CTNND2: variants seen among roughly 807,000 people sequenced by gnomAD.
CTNND2 encodes the protein catenin delta 2, also known as catenin delta-2.
In CTNND2, 22 loss-of-function variants were observed where a neutral mutation model predicts 144.4. That is an observed-to-expected ratio of 0.15 (90% confidence interval 0.11 to 0.22). The LOEUF is 0.22. Among genes scored for constraint, CTNND2 ranks in the 10% least tolerant of loss-of-function variants. The probability of loss-of-function intolerance (pLI) is 1.00; values close to 1 mark genes in which losing one functional copy is unlikely to be tolerated. For synonymous variants in CTNND2, 751 were observed against 695.6 expected (o/e 1.08, Z -1.25); for missense variants, 1,353 against 1,618.8 (o/e 0.84, Z 2.82).
chr5:11,433,889 C>T (rs1259626649), intron 3 of CTNND2, among the ~76,000 whole-genome samples: 1 of 152,126 alleles, frequency 6.6e-6, no homozygotes, highest in East Asian at 1.9e-4. Flanking sequence ...TAAAACTGCC[C>T]AACTACTTTG....
chr5:11,602,320 G>T lies in CTNND2; in HGVS notation c.175-37264C>A, dbSNP rs1434413317. Among the ~76,000 whole-genome samples the T allele has an allele frequency of 4.6e-5, 7 of 152,064 alleles. No individual in the cohort carries two copies. In the East Asian group the frequency reaches 1.4e-3, roughly 29 times the overall value. ...TGGTACCAAGAACTCAATGATTTTTGTCATCTGGGAAGATCTGAGAATCCA... is the reference window on the plus strand; with the variant it reads ...TGGTACCAAGAACTCAATGATTTTTTTCATCTGGGAAGATCTGAGAATCCA... On this transcript the variant is annotated intron_variant, in intron 2 of 21. Coordinates refer to ENST00000304623, the MANE Select transcript of CTNND2 (RefSeq NM_001332.4).
chr5:11,334,572 C>T (rs191072834), intron 9 of CTNND2, among the ~76,000 whole-genome samples: 1 of 152,252 alleles, frequency 6.6e-6, no homozygotes, highest in East Asian at 1.9e-4. Flanking sequence ...GACTGGACGC[C>T]CTCTGCCGGC....
rs61752664 is a variant in CTNND2 at position 10,982,428 on chromosome 5, G to A, written c.3344-582C>T. On this transcript the variant is annotated intron_variant, in intron 20 of 21. Transcript: ENST00000304623. The stretch of plus-strand genomic sequence containing the variant: ...CACTCTGTTGTCTGGCTTGCCTGTC[G>A]TCTAGACGAAAGAGATGAAGGTCTC... Among the ~76,000 whole-genome samples, 402 of 152,322 alleles carry A rather than the reference G, an allele frequency of 2.6e-3. 1 individual carries two copies. The highest frequency in any genetic ancestry group is 8.7e-3 in the African/African-American group (361 of 41,578).
chr5:11,822,377 G>A lies in CTNND2; in HGVS notation c.37+81440C>T, dbSNP rs560708865. Among the ~76,000 whole-genome samples, 32 of 152,220 alleles carry A rather than the reference G, an allele frequency of 2.1e-4. No homozygotes were observed. The South Asian group carries it at 2.7e-3, about 13-fold the overall frequency. On this transcript the variant is annotated intron_variant, in intron 1 of 21. Coordinates refer to ENST00000304623, the MANE Select transcript of CTNND2 (RefSeq NM_001332.4). ...GGTAAAAACAATGAGCAGTGTATGC[G>A]TTTCAAATTCTTCAAAGCAATTTTA...
chr5:11,883,942 CT>C (rs1007704337), intron 1 of CTNND2, among the ~76,000 whole-genome samples: 1 of 152,100 alleles, frequency 6.6e-6, no homozygotes. Context: ...TGATGTTGAG[CT>C]TTTTTCATAT....
chr5:11,039,703 A>G (rs1255830887), intron 16 of CTNND2, among the ~76,000 whole-genome samples: 1 of 152,328 alleles, frequency 6.6e-6, no homozygotes, highest in Non-Finnish European at 1.5e-5. Flanking sequence ...TGGGCAGAGG[A>G]TAAGACAAAT....
In CTNND2 at chr5:11,188,988, T is replaced by C. The variant is rs558815804; in HGVS notation, c.1975+10460A>G. On this transcript the variant is annotated intron_variant, in intron 11 of 21. Coordinates refer to ENST00000304623, the MANE Select transcript of CTNND2 (RefSeq NM_001332.4). The stretch of plus-strand genomic sequence containing the variant: ...GTCACATGCTGAAATTACAGATTTA[T>C]TTGTCTCAGTTTATTGTCTGTCTTG... Among the ~76,000 whole-genome samples the C allele has an allele frequency of 3.9e-5, 6 of 152,336 alleles. No homozygotes were observed. The South Asian group carries it at 1.2e-3, about 32-fold the overall frequency.
intron 3 of CTNND2, among the ~76,000 whole-genome samples, chr5:11,500,729 T>C (rs1304553077): frequency 6.6e-6 from 1 of 152,210 alleles, no homozygotes; most frequent in Admixed American, 6.5e-5. Flanking sequence ...AGCTACATAT[T>C]CTAAAATACA....
In CTNND2 at chr5:11,397,053, G is replaced by C; in HGVS notation, c.590C>G (p.Ala197Gly). Residue 197 changes from alanine to glycine, a missense_variant, in exon 6 of 22, where the codon GCT becomes GGT. Physicochemically the swap from Ala to Gly is moderately conservative, Grantham distance 60. Around this residue, in one of 4 missense-constraint regions of CTNND2, gnomAD observed 708 missense variants for 706.4 expected, o/e 1.00. Transcript: ENST00000304623. Reference protein sequence around the residue: ...QLPARGTQARATGQSFSQGTT... With the variant: ...QLPARGTQARGTGQSFSQGTT... Reference sequence around the variant, plus strand: ...TACCTGGCTGAAGCTCTGGCCCGTAGCTCGGGCTTGTGTGCCTCGGGCCGG... The same window carrying C: ...TACCTGGCTGAAGCTCTGGCCCGTACCTCGGGCTTGTGTGCCTCGGGCCGG... The C allele has an allele frequency of 6.2e-7, 1 of 1,613,698 alleles. No individual in the cohort carries two copies.
intron 10 of CTNND2, among the ~76,000 whole-genome samples, chr5:11,225,130 G>A (rs568270690): frequency 6.6e-6 from 1 of 152,242 alleles, no homozygotes; most frequent in Admixed American, 6.5e-5. Flanking sequence ...GACCTTTGAA[G>A]TGGGTCAAAC....
intron 3 of CTNND2, among the ~76,000 whole-genome samples, chr5:11,444,718 TA>T (rs1450795273): frequency 6.6e-5 from 10 of 151,852 alleles, no homozygotes; most frequent in African/African-American, 2.2e-4. Context: ...TAAAAATAAA[TA>T]AAAAAGATGA....
intron 10 of CTNND2, among the ~76,000 whole-genome samples, chr5:11,225,380 A>ATGTTAGGTCTTAAT (rs1740218407): frequency 6.6e-6 from 1 of 152,184 alleles, no homozygotes; most frequent in Non-Finnish European, 1.5e-5. Flanking sequence ...CCTAACATTA[A>ATGTTAGGTCTTAAT]GACCCCTATA....
intron 10 of CTNND2, among the ~76,000 whole-genome samples, chr5:11,204,952 G>T (rs1206420233): frequency 6.6e-6 from 1 of 152,176 alleles, no homozygotes; most frequent in Non-Finnish European, 1.5e-5. Flanking sequence ...GAGCTGGGAA[G>T]AGAAGACAGA....
chr5:11,302,857 A>C lies in CTNND2; in HGVS notation c.1628+43515T>G, dbSNP rs183592907. ...ATGCCTGGTAGGTTTCACAATGTAGAGGGAAGTTAGGAGGAGGAGGACCAT... is the reference window on the plus strand; with the variant it reads ...ATGCCTGGTAGGTTTCACAATGTAGCGGGAAGTTAGGAGGAGGAGGACCAT... On this transcript the variant is annotated intron_variant, in intron 9 of 21. Transcript: ENST00000304623. Among the ~76,000 whole-genome samples, 629 of 152,284 alleles carry C rather than the reference A, an allele frequency of 4.1e-3. 2 individuals carry two copies. Among genetic ancestry groups the C allele is most frequent in the Middle Eastern group, 0.01 (3 of 294 alleles).
chr5:11,851,928 T>C (rs1317944454), intron 1 of CTNND2, among the ~76,000 whole-genome samples: 2 of 152,224 alleles, frequency 1.3e-5, no homozygotes, highest in Non-Finnish European at 2.9e-5. Flanking sequence ...ATTTTGAATA[T>C]AATTTCCAGT....
intron 3 of CTNND2, among the ~76,000 whole-genome samples, chr5:11,528,080 G>A (rs562013589): frequency 1.7e-4 from 26 of 152,292 alleles, no homozygotes; most frequent in Admixed American, 6.5e-4. Context: ...TTAAAAGCTC[G>A]CGGGGGACTT....
At chr5:11,262,080 G>A (rs1177668295) in intron 9 of CTNND2, among the ~76,000 whole-genome samples, 3 of 152,108 alleles carry the variant, frequency 2.0e-5, no homozygotes, top group Non-Finnish European at 4.4e-5. Flanking sequence ...GCCCCAGGTG[G>A]AGTCACTCAT....
rs1039078592 is a variant in CTNND2, at chr5:11,167,576, G to A, written c.1976-7817C>T. On this transcript the variant is annotated intron_variant, in intron 11 of 21. Coordinates refer to ENST00000304623, the MANE Select transcript of CTNND2 (RefSeq NM_001332.4). ...TCAATACTAAGGTACTGTCTTGTTC[G>A]AAGCCAAAACTGATCCCAGCAACAT... Among the ~76,000 whole-genome samples the A allele has an allele frequency of 3.3e-5, 5 of 151,968 alleles. No homozygotes were observed. The South Asian group carries it at 8.3e-4, about 25-fold the overall frequency.
At chr5:11,820,091 G>T (rs2126939192) in intron 1 of CTNND2, among the ~76,000 whole-genome samples, 1 of 152,242 alleles carries the variant, frequency 6.6e-6, no homozygotes, top group East Asian at 1.9e-4. Context: ...ACACTGTCAA[G>T]GAAAGAAAAT....
Sources: gnomAD v4.1 joint callset for allele counts (sites outside exome capture counted in the v4.1 genomes callset) on GRCh38, gnomAD v4.1.1 for gene constraint, gnomAD v4.1.1 regional missense constraint, MANE v1.5 for transcripts, NCBI Gene and HGNC (gene_info 2026-07-23, HGNC 2026-07-21) for gene names.